Variants in RIMBP2 observed in about 807,000 individuals in gnomAD.
RIMBP2 encodes RIMS-binding protein 2.
Under a neutral mutation model 118.6 loss-of-function variants are expected in RIMBP2, and 48 were observed. The observed-to-expected ratio is 0.40, with a 90% CI of 0.32 to 0.51. The LOEUF is 0.51. Among genes scored for constraint, RIMBP2 ranks in the 20% least tolerant of loss-of-function variants. The pLI is 0.41. For missense variants in RIMBP2, 1,551 were observed against 1,768.3 expected, an observed-to-expected ratio of 0.88 and a Z score of 2.20; for synonymous variants, 762 against 742.9, an observed-to-expected ratio of 1.03 and a Z score of -0.42.
chr12:130,704,168 G>A (rs1050189156), intron 1 of RIMBP2, among the ~76,000 whole-genome samples: 2 of 152,188 alleles, frequency 1.3e-5, no homozygotes, highest in South Asian at 2.1e-4. Flanking sequence ...GGAAGTGCAG[G>A]AGGAGGGACG....
At chr12:130,439,347 A>G (rs2077836666) in intron 11 of RIMBP2, among the ~76,000 whole-genome samples, 1 of 144,806 alleles carries the variant, frequency 6.9e-6, no homozygotes, top group Non-Finnish European at 1.5e-5. Flanking sequence ...ATGTGTGTAG[A>G]TGTGTGGGCA....
intron 7 of RIMBP2, among the ~76,000 whole-genome samples, chr12:130,453,704 G>T (rs2079187723): frequency 6.6e-6 from 1 of 152,200 alleles, no homozygotes; most frequent in African/African-American, 2.4e-5. Context: ...TGATCGAAGG[G>T]CACAAGATGA....
intron 6 of RIMBP2, among the ~76,000 whole-genome samples, chr12:130,457,486 G>T (rs1258319966): frequency 1.3e-5 from 2 of 152,202 alleles, no homozygotes; most frequent in Non-Finnish European, 2.9e-5. Flanking sequence ...CATGGGCAAA[G>T]CCCCGCTCCC....
At chr12:130,592,888 C>T (rs536871247) in intron 2 of RIMBP2, among the ~76,000 whole-genome samples, 21 of 152,112 alleles carry the variant, frequency 1.4e-4, no homozygotes, top group Non-Finnish European at 2.4e-4. Flanking sequence ...ATGTCGGGAG[C>T]GGTGAGAGCG....
At chr12:130,711,936 C>A (rs1949947375) in intron 1 of RIMBP2, among the ~76,000 whole-genome samples, 2 of 152,288 alleles carry the variant, frequency 1.3e-5, no homozygotes, top group African/African-American at 2.4e-5. Flanking sequence ...CACAGCTGTG[C>A]AGCCCGTGAC....
chr12:130,529,373 T>C (rs1361380636), intron 2 of RIMBP2, among the ~76,000 whole-genome samples: 1 of 152,162 alleles, frequency 6.6e-6, no homozygotes, highest in East Asian at 1.9e-4. Context: ...GACACAAATG[T>C]TCACATGTAT....
chr12:130,461,962 C>CG (rs2080033879), intron 6 of RIMBP2, among the ~76,000 whole-genome samples: 2 of 15,460 alleles, frequency 1.3e-4, no homozygotes, highest in South Asian at 0.067. Context: ...TTCAATTCAC[C>CG]GGAAGTCTCA....
At chr12:130,596,944 A>T (rs1395471814) in intron 2 of RIMBP2, among the ~76,000 whole-genome samples, 1 of 152,254 alleles carries the variant, frequency 6.6e-6, no homozygotes, top group Non-Finnish European at 1.5e-5. Flanking sequence ...AAGAAACTTA[A>T]TTTATAGTTA....
intron 2 of RIMBP2, among the ~76,000 whole-genome samples, chr12:130,597,962 G>A (rs1405257192): frequency 6.6e-6 from 1 of 152,128 alleles, no homozygotes. Context: ...TTTATTTGTG[G>A]ACAACAGGAT....
At chr12:130,701,434 C>G (rs2065848511) in intron 1 of RIMBP2, among the ~76,000 whole-genome samples, 1 of 152,272 alleles carries the variant, frequency 6.6e-6, no homozygotes, top group Non-Finnish European at 1.5e-5. Flanking sequence ...GTTTACAACC[C>G]CTGAAGACAC....
rs533550178 is a variant in RIMBP2 at position 130,455,129 on chromosome 12, G to A, written c.358+1367C>T. 7.9e-5 allele frequency among the ~76,000 whole-genome samples: 12 copies of A among 152,354 alleles called. 1 individual carries two copies. In the South Asian group the frequency reaches 1.9e-3, roughly 24 times the overall value. ...AGAAGCCGTGCGTTTCTTGTCGCAC[G>A]GAGTGGGGCTCTGTGTGGCCCTTCA... On this transcript the variant is annotated intron_variant, in intron 7 of 22. Coordinates refer to ENST00000690449, the MANE Select transcript of RIMBP2 (RefSeq NM_001393629.1).
chr12:130,492,139 G>T (rs755826851), intron 4 of RIMBP2, among the ~76,000 whole-genome samples: 2 of 152,170 alleles, frequency 1.3e-5, no homozygotes, highest in Admixed American at 1.3e-4. Flanking sequence ...GATCTGCTAC[G>T]CGTGGTAGAA....
At chr12:130,479,205 C>T (rs1389020256) in intron 4 of RIMBP2, among the ~76,000 whole-genome samples, 189 bp from the exon 5 acceptor site, 2 of 152,242 alleles carry the variant, frequency 1.3e-5, no homozygotes, top group African/African-American at 4.8e-5. Flanking sequence ...AATGCGGGAG[C>T]TATGACATAA....
intron 2 of RIMBP2, among the ~76,000 whole-genome samples, chr12:130,608,904 A>G (rs2060341734): frequency 6.6e-6 from 1 of 152,018 alleles, no homozygotes; most frequent in South Asian, 2.1e-4. Context: ...AACTGTAATT[A>G]CACGTCCTTT....
At chr12:130,643,694 A>G (rs551733104) in intron 1 of RIMBP2, among the ~76,000 whole-genome samples, 150 of 152,322 alleles carry the variant, frequency 9.8e-4, no homozygotes, top group African/African-American at 3.4e-3. Flanking sequence ...TTCCATTCAC[A>G]TTTATTGAAC....
At chr12:130,663,070 G>A (rs553776837) in intron 1 of RIMBP2, among the ~76,000 whole-genome samples, 16 of 152,306 alleles carry the variant, frequency 1.1e-4, no homozygotes, top group South Asian at 1.0e-3. Context: ...TCCCACGTGC[G>A]GCCAAGTTTG....
intron 4 of RIMBP2, among the ~76,000 whole-genome samples, chr12:130,494,290 T>C (rs1386531348): frequency 6.6e-6 from 1 of 152,108 alleles, no homozygotes; most frequent in Non-Finnish European, 1.5e-5. Flanking sequence ...CGGTTCTCCC[T>C]GCACTGCTCT....
At chr12:130,478,098 A>C (rs2081600155) in intron 5 of RIMBP2, among the ~76,000 whole-genome samples, 2 of 152,152 alleles carry the variant, frequency 1.3e-5, no homozygotes, top group African/African-American at 2.4e-5. Context: ...TGAGGACTGG[A>C]GTGGGGTGAG....
chr12:130,706,371 C>T (rs1410378689), intron 1 of RIMBP2, among the ~76,000 whole-genome samples: 1 of 152,246 alleles, frequency 6.6e-6, no homozygotes, highest in Non-Finnish European at 1.5e-5. Flanking sequence ...AACGAAAGCG[C>T]AGAGAGGTTC....
Sources: gnomAD v4.1 joint callset for allele counts (sites outside exome capture counted in the v4.1 genomes callset) on GRCh38, gnomAD v4.1.1 for gene constraint, MANE v1.5 for transcripts, NCBI Gene and HGNC (gene_info 2026-07-23, HGNC 2026-07-21) for gene names.